The following PDCD2 variants were observed in gnomAD, a reference collection of about 807,000 sequenced individuals.
The protein encoded by PDCD2 is programmed cell death 2.
Under a neutral mutation model 38.1 loss-of-function variants are expected in PDCD2, and 38 were observed. That is an observed-to-expected ratio of 1.00 (90% CI 0.77 to 1.31). PDCD2 has a LOEUF of 1.31. Among genes scored for constraint, PDCD2 ranks in the 50% most tolerant of loss-of-function variants. The probability of loss-of-function intolerance (pLI) is 0.00; values close to 1 mark genes in which losing one functional copy is unlikely to be tolerated. For synonymous variants in PDCD2, 205 were observed against 168.9 expected, an observed-to-expected ratio of 1.21 and a Z score of -1.66; for missense variants, 473 against 435.7, an observed-to-expected ratio of 1.09 and a Z score of -0.76.
At position 170,583,123 on chromosome 6, in the gene PDCD2, T is replaced by G; in HGVS notation, c.592A>C (p.Thr198Pro). Residue 198 changes from threonine to proline, a missense_variant, in exon 3 of 6, where the codon ACA becomes CCA. Thr to Pro is a conservative substitution (Grantham distance 38, BLOSUM62 -1). Transcript: ENST00000541970. ...LFPEFEIVIE[T>P]EDEIMPEVVE... ...ACCTCAGGCATAATCTCATCTTCTG[T>G]TTCTATTACAATTTCAAATTCTGGA... is the stretch of plus-strand genomic sequence containing the variant. 6.2e-7 allele frequency: 1 copy of G among 1,613,378 alleles called. No individual in the cohort carries two copies. The highest frequency in any genetic ancestry group is 8.5e-7 in the Non-Finnish European group (1 of 1,179,618).
chr6:170,583,687 T>C lies in PDCD2; in HGVS notation c.344A>G (p.Asn115Ser), dbSNP rs1440831997. The C allele has an allele frequency of 6.2e-7, 1 of 1,613,490 alleles. No individual in the cohort carries two copies. Among genetic ancestry groups the C allele is most frequent in the African/African-American group, 1.3e-5 (1 of 75,026 alleles). ...DFYSYEPPSE[N>S]PPPETGESVC... ...TGATTCTCCTGTTTCTGGGGGAGGATTCTCAGAAGGTGGCTCATATGAGTA... is the reference window on the plus strand; with the variant it reads ...TGATTCTCCTGTTTCTGGGGGAGGACTCTCAGAAGGTGGCTCATATGAGTA... The change falls in exon 2 of 6, where the codon AAT becomes AGT. Residue 115 changes from asparagine to serine, a missense_variant. Coordinates refer to ENST00000541970, the MANE Select transcript of PDCD2 (RefSeq NM_002598.4).
In PDCD2 at chr6:170,576,664, C is replaced by G. The variant is rs1779458401; in HGVS notation, c.*895G>C. On this transcript the variant is annotated 3_prime_UTR_variant, in exon 6 of 6. Transcript: ENST00000541970. ...GCCCTTTGAAAACTGACTTCAGGGC[C>G]TTCCTTTCCTCAGGCTGCTGCCTCC... The G allele has an allele frequency of 6.6e-6, 1 of 152,282 alleles. No homozygotes were observed. Among genetic ancestry groups the G allele is most frequent in the South Asian group, 2.1e-4 (1 of 4,836 alleles). The allele number at this position is 152,282 out of a possible 1,614,324, so 9.4% of individuals were successfully genotyped here.
At chr6:170,579,943 T>C in intron 4 of PDCD2, 59 bp downstream of exon 4, 1 of 880,334 alleles carries the variant, frequency 1.1e-6, no homozygotes, top group East Asian at 2.4e-5. Context: ...TCTTACAGAT[T>C]ATACTCATAA....
rs1206485359 is a variant in PDCD2, at chr6:170,575,461, G to A, written c.*2098C>T. 6.6e-6 allele frequency: 1 copy of A among 152,174 alleles called. No homozygotes were observed. The highest frequency in any genetic ancestry group is 1.5e-5 in the Non-Finnish European group (1 of 68,044). 9.4% of individuals were successfully genotyped at this position (152,174 alleles called of 1,614,324 possible). On this transcript the variant is annotated 3_prime_UTR_variant, in exon 6 of 6. Transcript: ENST00000541970. ...TGAACCAAGCAGATCTTAAAACTTT[G>A]TAGGTGTTGAGAAATGGTGGATGCA...
intron 4 of PDCD2, 69 bp from the exon 5 acceptor site, chr6:170,579,039 A>T (rs1049952181): frequency 3.3e-6 from 3 of 905,384 alleles, no homozygotes; most frequent in Non-Finnish European, 3.5e-6. Flanking sequence ...GTAACATGCT[A>T]TCTACTCCAT....
At chr6:170,578,445 T>C (rs1779504837) in intron 5 of PDCD2, 1 of 568,112 alleles carries the variant, frequency 1.8e-6, no homozygotes, top group Admixed American at 3.4e-5. Flanking sequence ...TTCTAACAAA[T>C]CCACAAACCA....
Position 170,584,406 on chromosome 6 carries a change from G to A in PDCD2, c.176C>T (p.Ser59Phe). The A allele has an allele frequency of 7.0e-7, 1 of 1,426,246 alleles. No individual in the cohort carries two copies. The highest frequency in any genetic ancestry group is 9.1e-7 in the Non-Finnish European group (1 of 1,094,464). 88.3% of individuals were successfully genotyped at this position (1,426,246 alleles called of 1,614,324 possible). A position where few individuals can be genotyped will look rare whatever the true frequency, so the allele number is the denominator to read the frequency against. The change falls in exon 1 of 6, where the codon TCC (serine) becomes TTC (phenylalanine). Residue 59 changes from serine (S) to phenylalanine (F), a missense_variant. Physicochemically the swap from Ser to Phe is radical, Grantham distance 155. Transcript: ENST00000541970. ...LACELCGRPL[S>F]FLLQVYAPLP... ...CGGCGCATACACCTGCAGCAGGAAG[G>A]AGAGCGGGCGGCCGCACAGCTCGCA...
Position 170,580,114 on chromosome 6 carries a change from T to G in PDCD2, c.659-9A>C. The G allele has an allele frequency of 6.6e-7, 1 of 1,520,680 alleles. No individual in the cohort carries two copies. The highest frequency in any genetic ancestry group is 9.1e-7 in the Non-Finnish European group (1 of 1,097,040). 94.2% of individuals were successfully genotyped at this position (1,520,680 alleles called of 1,614,324 possible). ...TTCCTCAAGTGCTTCACCTGAAAAATCAACGTAACTATTATGAAAAACAGG... is the reference window on the plus strand; with the variant it reads ...TTCCTCAAGTGCTTCACCTGAAAAAGCAACGTAACTATTATGAAAAACAGG... On this transcript the variant is annotated splice_polypyrimidine_tract_variant and intron_variant, in intron 3 of 5. Transcript: ENST00000541970.
In PDCD2 at chr6:170,576,727, C is replaced by T. The variant is rs1029348608; in HGVS notation, c.*832G>A. The T allele has an allele frequency of 6.6e-6, 1 of 152,250 alleles. No individual in the cohort carries two copies. Among genetic ancestry groups the T allele is most frequent in the Non-Finnish European group, 1.5e-5 (1 of 68,054 alleles). The allele number at this position is 152,250 out of a possible 1,614,324, so 9.4% of individuals were successfully genotyped here. ...TTATTTTGGCTTACATTCCATAACC[C>T]TTGTATGTGCGATAGGGAACCTGTA... is the stretch of plus-strand genomic sequence containing the variant. On this transcript the variant is annotated 3_prime_UTR_variant, in exon 6 of 6. Coordinates refer to ENST00000541970, the MANE Select transcript of PDCD2 (RefSeq NM_002598.4).
At chr6:170,580,726 T>A (rs1446845178) in intron 3 of PDCD2, among the ~76,000 whole-genome samples, 1 of 150,642 alleles carries the variant, frequency 6.6e-6, no homozygotes, top group Admixed American at 6.6e-5. Context: ...AAAAAAAAAA[T>A]GTTCATTTCC....
intron 3 of PDCD2, chr6:170,581,162 G>T (rs923155119): frequency 1.3e-5 from 2 of 151,990 alleles, no homozygotes; most frequent in African/African-American, 4.8e-5. Flanking sequence ...ATAATGAACC[G>T]CCACATATCA....
chr6:170,583,913 C>A (rs1451978234), intron 1 of PDCD2, 166 bp from the exon 2 acceptor site: 2 of 636,882 alleles, frequency 3.1e-6, no homozygotes, highest in East Asian at 5.5e-5. Flanking sequence ...GTCCGGTACA[C>A]GCAACTGAGT....
intron 1 of PDCD2, chr6:170,584,064 A>G (rs1173054537): frequency 6.0e-6 from 3 of 497,440 alleles, no homozygotes; most frequent in South Asian, 3.4e-5. Flanking sequence ...CCTGGTACCC[A>G]CTGATTAAAA....
At chr6:170,583,253 G>T in intron 2 of PDCD2, 65 bp from the exon 3 acceptor site, 1 of 1,183,206 alleles carries the variant, frequency 8.5e-7, no homozygotes, top group Non-Finnish European at 1.2e-6. Flanking sequence ...ATAATTTGCT[G>T]TCTCTAAAGT....
Position 170,583,485 on chromosome 6 carries a change from T to A in PDCD2, c.526+20A>T. The A allele has an allele frequency of 6.3e-7, 1 of 1,594,726 alleles. No homozygotes were observed. Among genetic ancestry groups the A allele is most frequent in the Non-Finnish European group, 8.6e-7 (1 of 1,167,078 alleles). On this transcript the variant is annotated intron_variant, in intron 2 of 5. Coordinates refer to ENST00000541970, the MANE Select transcript of PDCD2 (RefSeq NM_002598.4). ...AAAGGCGATGAAACTGAACTGAGAC[T>A]TAAAAAAAAGATTACCCACCTGGTT...
chr6:170,583,890 G>A, intron 1 of PDCD2, 143 bp from the exon 2 acceptor site: 3 of 735,022 alleles, frequency 4.1e-6, no homozygotes, highest in Non-Finnish European at 6.5e-6. Context: ...TTAAAATCCA[G>A]AAACTAGATT....
intron 2 of PDCD2, 109 bp from the exon 3 acceptor site, chr6:170,583,297 A>T: frequency 1.1e-6 from 1 of 932,028 alleles, no homozygotes; most frequent in East Asian, 2.5e-5. Flanking sequence ...ATTTTAGATA[A>T]AGGGTCATAA....
At chr6:170,582,888 A>G in intron 3 of PDCD2, 169 bp downstream of exon 3, 1 of 1,431,874 alleles carries the variant, frequency 7.0e-7, no homozygotes, top group East Asian at 2.5e-5. Flanking sequence ...TATGTGTCAG[A>G]AAACAAAGTC....
In PDCD2 at chr6:170,576,732, A is replaced by G. The variant is rs1416484705; in HGVS notation, c.*827T>C. 6.6e-6 allele frequency: 1 copy of G among 152,202 alleles called. No individual in the cohort carries two copies. Among genetic ancestry groups the G allele is most frequent in the African/African-American group, 2.4e-5 (1 of 41,450 alleles). The allele number at this position is 152,202 out of a possible 1,614,324, so 9.4% of individuals were successfully genotyped here. On this transcript the variant is annotated 3_prime_UTR_variant, in exon 6 of 6. Transcript: ENST00000541970. ...TTGGCTTACATTCCATAACCCTTGTATGTGCGATAGGGAACCTGTATACAA... is the reference window on the plus strand; with the variant it reads ...TTGGCTTACATTCCATAACCCTTGTGTGTGCGATAGGGAACCTGTATACAA...
Sources: allele counts gnomAD v4.1 joint callset (sites outside exome capture counted in the v4.1 genomes callset), GRCh38; gene constraint gnomAD v4.1.1; transcripts MANE v1.5; gene names NCBI Gene and HGNC (gene_info 2026-07-23, HGNC 2026-07-21).